Variants in PLEK2 observed in about 807,000 individuals in gnomAD.
PLEK2 encodes the protein pleckstrin-2.
A neutral mutation model predicts 43.8 loss-of-function variants in PLEK2; 29 were observed. The ratio of observed to expected loss-of-function variants is 0.66; its 90% confidence interval spans 0.49 to 0.90. The LOEUF (loss-of-function observed/expected upper bound fraction) is 0.90. Ranked by LOEUF, PLEK2 falls within the 40% of genes least tolerant of loss-of-function variation. The pLI, the probability that PLEK2 is intolerant of heterozygous loss-of-function variation, is 0.00. For synonymous variants in PLEK2, 162 were observed against 173.2 expected (o/e 0.94, Z 0.51); for missense variants, 398 against 448.1 (o/e 0.89, Z 1.01).
rs2086020419 is a variant in PLEK2, at chr14:67,397,702, C to T, written c.167G>A (p.Cys56Tyr). The change falls in exon 2 of 9, where the codon TGC (cysteine) becomes TAC (tyrosine). Residue 56 changes from cysteine to tyrosine, a missense_variant. Coordinates refer to ENST00000216446, the MANE Select transcript of PLEK2 (RefSeq NM_016445.3). Reference protein sequence around the residue: ...PPKGRILLDGCTITCPCLEYE... With the variant: ...PPKGRILLDGYTITCPCLEYE... ...CTCCAGGCAGGGGCAGGTGATGGTG[C>T]AGCCATCCAGGAGGATCCGGCCCTT... 1 of 1,613,298 alleles carries T rather than the reference C, an allele frequency of 6.2e-7. No individual in the cohort carries two copies. The highest frequency in any genetic ancestry group is 2.2e-5 in the East Asian group (1 of 44,878).
intron 3 of PLEK2, 45 bp from the exon 4 acceptor site, chr14:67,393,286 G>T: frequency 7.2e-7 from 1 of 1,384,176 alleles, no homozygotes; most frequent in Non-Finnish European, 1.0e-6. Context: ...TCATCACGCG[G>T]GCAGGTATAA....
rs774562645 is a variant in PLEK2, at chr14:67,397,838, C to A, written c.43-12G>T. On this transcript the variant is annotated splice_polypyrimidine_tract_variant and intron_variant, in intron 1 of 8. Transcript: ENST00000216446. The stretch of plus-strand genomic sequence containing the variant: ...TGGACAATGTGGCCCTATGGACAGA[C>A]AAGAAAGCCCTGAGGTGAGGCGGTC... 3 of 1,599,572 alleles carry A rather than the reference C, an allele frequency of 1.9e-6. No homozygotes were observed. Among genetic ancestry groups the A allele is most frequent in the East Asian group, 2.2e-5 (1 of 44,534 alleles).
chr14:67,399,108 T>C (rs1326403443), intron 1 of PLEK2, among the ~76,000 whole-genome samples: 1 of 152,236 alleles, frequency 6.6e-6, no homozygotes, highest in Non-Finnish European at 1.5e-5. Context: ...GTGGGCAATA[T>C]GAGGCCACTT....
chr14:67,401,078 C>T (rs969230250), intron 1 of PLEK2, among the ~76,000 whole-genome samples: 3 of 152,090 alleles, frequency 2.0e-5, no homozygotes, highest in Non-Finnish European at 4.4e-5. Flanking sequence ...TGCCTAGCCC[C>T]AGTGCCTGAG....
intron 1 of PLEK2, among the ~76,000 whole-genome samples, chr14:67,404,598 C>G (rs1239915822): frequency 6.6e-6 from 1 of 151,858 alleles, no homozygotes; most frequent in Non-Finnish European, 1.5e-5. Context: ...TCACTTGAGC[C>G]TAGGACTTCA....
At position 67,388,390 on chromosome 14, in the gene PLEK2, A is replaced by G. The variant is rs1019732042; in HGVS notation, c.856-88T>C. ...CCCTTACAACTCAGGCCAGCTAAAG[A>G]AGTGAGTGCAAATCATTTGTAATAG... is the stretch of plus-strand genomic sequence containing the variant. On this transcript the variant is annotated intron_variant, in intron 7 of 8. Coordinates refer to ENST00000216446, the MANE Select transcript of PLEK2 (RefSeq NM_016445.3). The G allele has an allele frequency of 7.5e-6, 6 of 795,184 alleles. No homozygotes were observed. The African/African-American group carries it at 8.5e-5, about 11-fold the overall frequency. 49.3% of individuals were successfully genotyped at this position (795,184 alleles called of 1,614,324 possible). A position where few individuals can be genotyped will look rare whatever the true frequency, so the allele number is the denominator to read the frequency against.
intron 1 of PLEK2, among the ~76,000 whole-genome samples, chr14:67,398,398 A>C (rs575274739): frequency 2.0e-4 from 30 of 152,114 alleles, no homozygotes; most frequent in Non-Finnish European, 3.1e-4. Flanking sequence ...TGATTTTTCT[A>C]GAAATAGGCT....
chr14:67,397,977 G>A (rs866738368), intron 1 of PLEK2, 151 bp from the exon 2 acceptor site: 1 of 568,404 alleles, frequency 1.8e-6, no homozygotes, highest in Non-Finnish European at 3.0e-6. Flanking sequence ...GATCTCTTCT[G>A]AGTACGTAGC....
chr14:67,406,759 C>T lies in PLEK2; in HGVS notation c.42+5259G>A, dbSNP rs138148439. On this transcript the variant is annotated intron_variant, in intron 1 of 8. Coordinates refer to ENST00000216446, the MANE Select transcript of PLEK2 (RefSeq NM_016445.3). ...CATGAACCTGGCAGGAAAGCACCAC[C>T]GGTTCTGCTCTACAGATAAACCACA... is the stretch of plus-strand genomic sequence containing the variant. Among the ~76,000 whole-genome samples, 227 of 152,272 alleles carry T rather than the reference C, an allele frequency of 1.5e-3. 1 individual carries two copies. Among genetic ancestry groups the T allele is most frequent in the African/African-American group, 5.1e-3 (213 of 41,550 alleles).
intron 1 of PLEK2, among the ~76,000 whole-genome samples, chr14:67,408,661 G>C (rs1014479295): frequency 2.0e-5 from 3 of 152,212 alleles, no homozygotes; most frequent in South Asian, 4.1e-4. Context: ...GAATGCCAAG[G>C]GTTGCCTGCA....
At chr14:67,389,151 A>G (rs988425831) in intron 7 of PLEK2, among the ~76,000 whole-genome samples, 1 of 152,080 alleles carries the variant, frequency 6.6e-6, no homozygotes, top group Non-Finnish European at 1.5e-5. Flanking sequence ...GGAGCCCTTC[A>G]ATTAATCAAT....
chr14:67,405,224 CA>C (rs770594121), intron 1 of PLEK2, among the ~76,000 whole-genome samples: 188 of 40,496 alleles, frequency 4.6e-3, no homozygotes, highest in East Asian at 0.036. Flanking sequence ...GAGTCCATCT[CA>C]AAAAAAAAAA....
rs2139855865 is a variant in PLEK2 at position 67,395,434 on chromosome 14, G to A, written c.357C>T (p.Asn119=). The A allele has an allele frequency of 3.1e-6, 5 of 1,614,000 alleles. No individual in the cohort carries two copies. Among genetic ancestry groups the A allele is most frequent in the Non-Finnish European group, 4.2e-6 (5 of 1,179,880 alleles). ...TGATGTGCGGGGGCAGCTTGAAGGA[G>A]TTTCTCAGGCTGTGCAGCTGCTGGA... is the stretch of plus-strand genomic sequence containing the variant. The part of the protein sequence containing the change: ...GKVQQLHSLR[N]SFKLPPHISL... Residue 119 remains asparagine, a synonymous_variant, in exon 3 of 9, where the codon AAC becomes AAT. Transcript: ENST00000216446.
At chr14:67,389,582 A>ATATATATG (rs1486744347) in intron 7 of PLEK2, among the ~76,000 whole-genome samples, 1 of 152,096 alleles carries the variant, frequency 6.6e-6, no homozygotes, top group Non-Finnish European at 1.5e-5. Context: ...GCATGTGTAC[A>ATATATATG]TATATATGTA....
At chr14:67,398,088 C>T (rs2086024011) in intron 1 of PLEK2, 1 of 330,078 alleles carries the variant, frequency 3.0e-6, no homozygotes, top group Non-Finnish European at 5.4e-6. Flanking sequence ...AAATCACTTC[C>T]TGTAATCCTA....
At chr14:67,389,971 G>A (rs565194781) in intron 7 of PLEK2, among the ~76,000 whole-genome samples, 2 of 152,024 alleles carry the variant, frequency 1.3e-5, no homozygotes, top group Non-Finnish European at 2.9e-5. Flanking sequence ...CTGGGTCCAG[G>A]CAGGGGTTCC....
chr14:67,401,626 G>A (rs2086049548), intron 1 of PLEK2, among the ~76,000 whole-genome samples: 1 of 152,194 alleles, frequency 6.6e-6, no homozygotes, highest in African/African-American at 2.4e-5. Flanking sequence ...GCCAAGGAGA[G>A]AGAGGTCTTA....
intron 1 of PLEK2, among the ~76,000 whole-genome samples, chr14:67,402,109 G>A (rs1404439500): frequency 5.3e-5 from 8 of 152,170 alleles, no homozygotes; most frequent in Admixed American, 2.6e-4. Context: ...ACTCCAGCCT[G>A]GGTGACAGAG....
chr14:67,405,881 C>T lies in PLEK2; in HGVS notation c.42+6137G>A, dbSNP rs553893102. ...ACTGTCACTCTTGGCTGCAGCCTCA[C>T]GAGAGACCCTGAGCCAGTCTTGCAG... On this transcript the variant is annotated intron_variant, in intron 1 of 8. Coordinates refer to ENST00000216446, the MANE Select transcript of PLEK2 (RefSeq NM_016445.3). 8.7e-4 allele frequency among the ~76,000 whole-genome samples: 133 copies of T among 152,186 alleles called. 1 individual carries two copies. The highest frequency in any genetic ancestry group is 3.8e-4 in the Non-Finnish European group (26 of 68,042).
Sources: allele counts gnomAD v4.1 joint callset (sites outside exome capture counted in the v4.1 genomes callset), GRCh38; gene constraint gnomAD v4.1.1; transcripts MANE v1.5; gene names NCBI Gene and HGNC (gene_info 2026-07-23, HGNC 2026-07-21).